The following ANGPT1 variants were observed in gnomAD, a reference collection of about 807,000 sequenced individuals.
ANGPT1 encodes the protein angiopoietin-1.
In ANGPT1, 17 loss-of-function variants were observed where a neutral mutation model predicts 62.2. The observed-to-expected ratio is 0.27, with a 90% CI of 0.19 to 0.41. The LOEUF (loss-of-function observed/expected upper bound fraction) is 0.41, where lower values mean the gene tolerates loss of function less well. ANGPT1 is among the 10% of genes least tolerant of loss of function. ANGPT1 has a pLI of 1.00. For missense variants in ANGPT1, 478 were observed against 594.9 expected (o/e 0.80, Z 2.04); for synonymous variants, 199 against 198.9 (o/e 1.00, Z 0.00).
At position 107,250,232 on chromosome 8, in the gene ANGPT1, G is replaced by A. The variant is rs1813218947; in HGVS notation, c.*1623C>T. Reference sequence around the variant, plus strand: ...ATTTTCTCATCCCATAGTGACTCATGTTTTAATAAAAACTGTTTACTGTCA... The same window carrying A: ...ATTTTCTCATCCCATAGTGACTCATATTTTAATAAAAACTGTTTACTGTCA... On this transcript the variant is annotated 3_prime_UTR_variant, in exon 9 of 9. Transcript: ENST00000517746. The A allele has an allele frequency of 6.6e-6, 1 of 152,112 alleles. No homozygotes were observed. The highest frequency in any genetic ancestry group is 1.5e-5 in the Non-Finnish European group (1 of 67,988). The allele number at this position is 152,112 out of a possible 1,614,324, so 9.4% of individuals were successfully genotyped here.
intron 1 of ANGPT1, among the ~76,000 whole-genome samples, chr8:107,494,314 A>G (rs1289943055): frequency 6.6e-6 from 1 of 152,150 alleles, no homozygotes; most frequent in Non-Finnish European, 1.5e-5. Flanking sequence ...TGTCATAGAG[A>G]GGTAGGGAGA....
chr8:107,387,812 A>G (rs1016492953), intron 1 of ANGPT1, among the ~76,000 whole-genome samples: 3 of 151,912 alleles, frequency 2.0e-5, no homozygotes, highest in African/African-American at 4.8e-5. Flanking sequence ...TAAATTTTGT[A>G]TTATAGGAGG....
At chr8:107,470,698 A>G (rs573606769) in intron 1 of ANGPT1, among the ~76,000 whole-genome samples, 13 of 152,102 alleles carry the variant, frequency 8.5e-5, no homozygotes, top group South Asian at 4.1e-4. Context: ...AGAAATTTAC[A>G]AGAAAAAAAC....
intron 3 of ANGPT1, among the ~76,000 whole-genome samples, chr8:107,329,156 T>C (rs1450695159): frequency 2.6e-5 from 4 of 152,032 alleles, no homozygotes; most frequent in South Asian, 4.1e-4. Context: ...TGTACATCTG[T>C]GTAAACACAC....
chr8:107,316,483 G>C (rs1226120527), intron 4 of ANGPT1, among the ~76,000 whole-genome samples: 1 of 152,130 alleles, frequency 6.6e-6, no homozygotes, highest in Non-Finnish European at 1.5e-5. Flanking sequence ...TATATGCAAA[G>C]GTCTCAGAAG....
intron 5 of ANGPT1, among the ~76,000 whole-genome samples, chr8:107,299,716 A>G (rs1322508480): frequency 7.6e-6 from 1 of 131,542 alleles, no homozygotes; most frequent in African/African-American, 2.7e-5. Context: ...TATATATACT[A>G]TATATATAGT....
At chr8:107,333,986 G>GA in intron 3 of ANGPT1, among the ~76,000 whole-genome samples, 6 of 85,378 alleles carry the variant, frequency 7.0e-5, no homozygotes, top group Non-Finnish European at 1.2e-4. Flanking sequence ...GGGAGGGAGG[G>GA]AGGGAGGGAG....
intron 7 of ANGPT1, among the ~76,000 whole-genome samples, chr8:107,273,145 A>T (rs1320137242): frequency 6.6e-6 from 1 of 152,052 alleles, no homozygotes; most frequent in Non-Finnish European, 1.5e-5. Flanking sequence ...CTTGTGATTG[A>T]AATTGGTGAT....
At chr8:107,404,558 AT>A (rs1817108990) in intron 1 of ANGPT1, among the ~76,000 whole-genome samples, 1 of 150,406 alleles carries the variant, frequency 6.6e-6, no homozygotes, top group Non-Finnish European at 1.5e-5. Context: ...TCTCTCAACT[AT>A]TTTTTAGCAG....
intron 1 of ANGPT1, among the ~76,000 whole-genome samples, chr8:107,460,919 T>C (rs1433748606): frequency 6.6e-6 from 1 of 152,062 alleles, no homozygotes; most frequent in Non-Finnish European, 1.5e-5. Flanking sequence ...ATTTGGGGAG[T>C]AATCAAAAAT....
At chr8:107,298,407 G>A (rs1814471877) in intron 5 of ANGPT1, among the ~76,000 whole-genome samples, 3 of 151,748 alleles carry the variant, frequency 2.0e-5, no homozygotes, top group Admixed American at 6.6e-5. Flanking sequence ...CTAGGCATTT[G>A]GTTTTGGAAA....
At chr8:107,285,683 GC>G (rs756164748) in intron 6 of ANGPT1, among the ~76,000 whole-genome samples, 35 of 152,144 alleles carry the variant, frequency 2.3e-4, no homozygotes, top group Non-Finnish European at 4.0e-4. Flanking sequence ...AAGAAAGCCA[GC>G]GCTTAATGTT....
rs550467660 is a variant in ANGPT1, at chr8:107,491,632, T to G, written c.297+5630A>C. On this transcript the variant is annotated intron_variant, in intron 1 of 8. Transcript: ENST00000517746. ...AAAGTCCCTGAGGCAGGAATGAGCC[T>G]GTCTGTTGGAGAAATAACAAGAAGG... Among the ~76,000 whole-genome samples, 266 of 152,258 alleles carry G rather than the reference T, an allele frequency of 1.7e-3. 1 individual carries two copies. Among genetic ancestry groups the G allele is most frequent in the Non-Finnish European group, 3.1e-3 (214 of 68,034 alleles).
chr8:107,315,859 G>T (rs1191127630), intron 4 of ANGPT1, among the ~76,000 whole-genome samples: 2 of 152,076 alleles, frequency 1.3e-5, no homozygotes, highest in African/African-American at 4.8e-5. Context: ...ACCCCTACAT[G>T]AATAAGAGCC....
chr8:107,497,349 A>G lies in ANGPT1; in HGVS notation c.210T>C (p.Asp70=), dbSNP rs1177325865. ...AGAAATCCGGTTCCACGTGTGGAGC[A>G]TCTCTCTGCAGAGCGTTTGTGTTGT... ...DQYNTNALQR[D]APHVEPDFSS... The change falls in exon 1 of 9, where the codon GAT becomes GAC. Residue 70 remains aspartate (D), a synonymous_variant. Coordinates refer to ENST00000517746, the MANE Select transcript of ANGPT1 (RefSeq NM_001146.5). 2.5e-6 allele frequency: 4 copies of G among 1,614,196 alleles called. No homozygotes were observed. The South Asian group carries it at 3.3e-5, about 13-fold the overall frequency.
chr8:107,352,456 T>A (rs1183017583), intron 1 of ANGPT1, among the ~76,000 whole-genome samples: 1 of 152,156 alleles, frequency 6.6e-6, no homozygotes, highest in Non-Finnish European at 1.5e-5. Context: ...GGAGAACTGA[T>A]GCTATCATTC....
chr8:107,465,556 A>G (rs1184705612), intron 1 of ANGPT1, among the ~76,000 whole-genome samples: 1 of 152,134 alleles, frequency 6.6e-6, no homozygotes, highest in Non-Finnish European at 1.5e-5. Context: ...TTAAAGTACA[A>G]CTGAATTCAT....
chr8:107,309,511 A>G (rs1814798837), intron 4 of ANGPT1, among the ~76,000 whole-genome samples: 1 of 152,226 alleles, frequency 6.6e-6, no homozygotes, highest in Non-Finnish European at 1.5e-5. Context: ...TTTATTCAAA[A>G]GAATCTTTAA....
Position 107,468,305 on chromosome 8 carries a change from G to A in ANGPT1, c.297+28957C>T, listed in dbSNP as rs142826651. ...TGACACTGAGAAATGGGGTACTTTC[G>A]TTGCCTTGCATTATACACTATTTAG... On this transcript the variant is annotated intron_variant, in intron 1 of 8. Transcript: ENST00000517746. Among the ~76,000 whole-genome samples, 841 of 151,946 alleles carry A rather than the reference G, an allele frequency of 5.5e-3. 7 individuals are homozygous for A. Among genetic ancestry groups the A allele is most frequent in the African/African-American group, 0.019 (789 of 41,466 alleles).
Sources: gnomAD v4.1 joint callset for allele counts (sites outside exome capture counted in the v4.1 genomes callset) on GRCh38, gnomAD v4.1.1 for gene constraint, MANE v1.5 for transcripts, NCBI Gene and HGNC (gene_info 2026-07-23, HGNC 2026-07-21) for gene names.